BAZ2B: variants seen among roughly 807,000 people sequenced by gnomAD.
BAZ2B encodes bromodomain adjacent to zinc finger domain 2B.
BAZ2B carries 91 observed loss-of-function variants against 246.0 expected under a neutral mutation model. That is an observed-to-expected ratio of 0.37 (90% CI 0.31 to 0.44). The LOEUF (loss-of-function observed/expected upper bound fraction) is 0.44. Ranked by LOEUF, BAZ2B falls within the 20% of genes least tolerant of loss-of-function variation. The pLI is 1.00. For missense variants in BAZ2B, 2,332 were observed against 2,533.7 expected, an observed-to-expected ratio of 0.92 and a Z score of 1.71; for synonymous variants, 855 against 860.0, an observed-to-expected ratio of 0.99 and a Z score of 0.10.
intron 2 of BAZ2B, among the ~76,000 whole-genome samples, chr2:159,498,285 A>G (rs1211883605): frequency 6.6e-6 from 1 of 152,212 alleles, no homozygotes; most frequent in Admixed American, 6.5e-5. Context: ...AAGCTCAATA[A>G]AAGTCAACAT....
chr2:159,541,467 C>T (rs1291735031), intron 2 of BAZ2B, among the ~76,000 whole-genome samples: 1 of 151,804 alleles, frequency 6.6e-6, no homozygotes, highest in African/African-American at 2.4e-5. Context: ...TTAGTAGAGA[C>T]GGGGTTTCAC....
At chr2:159,656,749 T>C in the BAZ2B span, among the ~76,000 whole-genome samples, 1 of 152,192 alleles carries the variant, frequency 6.6e-6, no homozygotes, top group Admixed American at 6.5e-5. Flanking sequence ...CCTAATGGCA[T>C]ACGATGCTGA....
chr2:159,339,318 G>A (rs969277530), intron 31 of BAZ2B, among the ~76,000 whole-genome samples: 4 of 152,010 alleles, frequency 2.6e-5, no homozygotes, highest in Non-Finnish European at 4.4e-5. Flanking sequence ...TAGTTCCTGT[G>A]GCAAGAGAGA....
chr2:159,487,230 G>T (rs1227960642), intron 2 of BAZ2B, among the ~76,000 whole-genome samples: 1 of 152,112 alleles, frequency 6.6e-6, no homozygotes, highest in African/African-American at 2.4e-5. Context: ...GTCTTAGGAA[G>T]CAGGGAACCT....
intron 32 of BAZ2B, chr2:159,337,359 G>T: frequency 7.7e-7 from 1 of 1,306,358 alleles, no homozygotes; most frequent in Non-Finnish European, 1.0e-6. Flanking sequence ...GATCCGTATG[G>T]ATCACAGACA....
At chr2:159,494,092 G>A (rs2080808627) in intron 2 of BAZ2B, among the ~76,000 whole-genome samples, 1 of 152,036 alleles carries the variant, frequency 6.6e-6, no homozygotes, top group Non-Finnish European at 1.5e-5. Flanking sequence ...ATTCCAGAAG[G>A]GCCTATTACT....
At chr2:159,690,204 T>C in the BAZ2B span, 2 of 463,364 alleles carry the variant, frequency 4.3e-6, no homozygotes, top group South Asian at 1.8e-5. Context: ...TTTCTTATAT[T>C]GAACATAGCA....
At chr2:159,483,548 G>A (rs2079481875) in intron 2 of BAZ2B, among the ~76,000 whole-genome samples, 1 of 152,092 alleles carries the variant, frequency 6.6e-6, no homozygotes, top group Admixed American at 6.6e-5. Flanking sequence ...AGGCCGAGGT[G>A]GGCAGATCAC....
At chr2:159,654,449 A>C in the BAZ2B span, among the ~76,000 whole-genome samples, 1 of 152,118 alleles carries the variant, frequency 6.6e-6, no homozygotes, top group Non-Finnish European at 1.5e-5. Flanking sequence ...AGACAAAAAA[A>C]CCCCAAGAAG....
intron 1 of BAZ2B, among the ~76,000 whole-genome samples, chr2:159,593,372 A>T (rs986443876): frequency 6.6e-6 from 1 of 152,136 alleles, no homozygotes; most frequent in Non-Finnish European, 1.5e-5. Flanking sequence ...ATTATGGAAG[A>T]CTTTAACAAA....
the BAZ2B span, chr2:159,689,252 A>C: frequency 2.1e-6 from 1 of 478,646 alleles, no homozygotes; most frequent in South Asian, 1.9e-5. Context: ...ATATCCATCA[A>C]CTCATTCAAC....
chr2:159,674,753 T>C, the BAZ2B span, among the ~76,000 whole-genome samples: 1 of 150,204 alleles, frequency 6.7e-6, no homozygotes, highest in East Asian at 1.9e-4. Flanking sequence ...AACCTAAAGT[T>C]GAATACCTGA....
chr2:159,704,799 T>C, the BAZ2B span, among the ~76,000 whole-genome samples: 3 of 151,942 alleles, frequency 2.0e-5, no homozygotes, highest in African/African-American at 7.3e-5. Flanking sequence ...GTTTTTTGAG[T>C]TCTCGCCATT....
intron 2 of BAZ2B, among the ~76,000 whole-genome samples, chr2:159,530,966 A>AAAAC (rs143825565): frequency 0.19 from 28,164 of 151,716 alleles, 3,540 homozygotes; most frequent in Non-Finnish European, 0.28. Context: ...ACTCCGTCTC[A>AAAAC]AAACAAACAA....
At position 159,373,083 on chromosome 2, in the gene BAZ2B, C is replaced by T. The variant is rs1489649454; in HGVS notation, c.4175G>A (p.Cys1392Tyr). ...CATGCCTTCTACAAAAATCCCCCCA[C>T]ATTGGGGAAGAATCCAGTACCGGCG... Reference protein sequence around the residue: ...YRRRYWILPQCGGIFVEGMES... With the variant: ...YRRRYWILPQYGGIFVEGMES... Residue 1392 changes from cysteine to tyrosine, a missense_variant, in exon 27 of 37, where the codon TGT becomes TAT. By Grantham distance (194) the Cys-to-Tyr change is radical. Transcript: ENST00000392783. The T allele has an allele frequency of 6.2e-7, 1 of 1,614,030 alleles. No homozygotes were observed. Among genetic ancestry groups the T allele is most frequent in the Non-Finnish European group, 8.5e-7 (1 of 1,179,914 alleles).
At chr2:159,711,278 C>T in the BAZ2B span, among the ~76,000 whole-genome samples, 1 of 152,100 alleles carries the variant, frequency 6.6e-6, no homozygotes, top group African/African-American at 2.4e-5. Context: ...TCACTTTATC[C>T]CATACCAGAT....
rs143430407 is a variant in BAZ2B, at chr2:159,535,145, C to T, written c.-3+20678G>A. 4.4e-3 allele frequency among the ~76,000 whole-genome samples: 663 copies of T among 152,214 alleles called. 2 individuals carry two copies. The highest frequency in any genetic ancestry group is 6.9e-3 in the Non-Finnish European group (468 of 68,010). ...AAATTGGCAAGTGCTACATATGTTC[C>T]AGTGAGGTAAATTTTTGCTCTTTGG... On this transcript the variant is annotated intron_variant, in intron 2 of 36. Coordinates refer to ENST00000392783, the MANE Select transcript of BAZ2B (RefSeq NM_013450.4).
intron 1 of BAZ2B, among the ~76,000 whole-genome samples, chr2:159,562,431 C>A (rs2089968703): frequency 6.6e-6 from 1 of 152,190 alleles, no homozygotes; most frequent in Non-Finnish European, 1.5e-5. Flanking sequence ...CCACTCTATT[C>A]TTTCAACACT....
chr2:159,374,231 A>G (rs1381566261), intron 26 of BAZ2B, among the ~76,000 whole-genome samples: 1 of 152,096 alleles, frequency 6.6e-6, no homozygotes, highest in Non-Finnish European at 1.5e-5. Flanking sequence ...AGATGTATGT[A>G]AATACATCCA....
Sources: gnomAD v4.1 joint callset for allele counts (sites outside exome capture counted in the v4.1 genomes callset) on GRCh38, gnomAD v4.1.1 for gene constraint, MANE v1.5 for transcripts, NCBI Gene and HGNC (gene_info 2026-07-23, HGNC 2026-07-21) for gene names.